Variants in CACNA1E observed in about 807,000 individuals in gnomAD.
CACNA1E encodes calcium voltage-gated channel subunit alpha1 E.
CACNA1E carries 40 observed loss-of-function variants against 259.2 expected under a neutral mutation model. The ratio of observed to expected loss-of-function variants is 0.15; its 90% CI spans 0.12 to 0.20. CACNA1E has a LOEUF of 0.20. CACNA1E is among the 10% of genes least tolerant of loss of function. CACNA1E has a pLI of 1.00. For synonymous variants in CACNA1E, 1,104 were observed against 1,138.5 expected (o/e 0.97, Z 0.61); for missense variants, 1,874 against 3,040.1 (o/e 0.62, Z 9.02).
chr1:181,533,165 T>A (rs898567266), intron 3 of CACNA1E, among the ~76,000 whole-genome samples: 9 of 151,844 alleles, frequency 5.9e-5, no homozygotes, highest in African/African-American at 9.7e-5. Flanking sequence ...ATGAATAAAA[T>A]CCAAGACTCT....
intron 6 of CACNA1E, among the ~76,000 whole-genome samples, chr1:181,633,582 C>A (rs1656942977): frequency 1.3e-5 from 2 of 152,118 alleles, no homozygotes; most frequent in African/African-American, 4.8e-5. Context: ...ACCTCCACCT[C>A]CCAGGTTGAA....
In CACNA1E at chr1:181,794,958, G is replaced by A. The variant is rs748537145; in HGVS notation, c.6122G>A (p.Arg2041Gln). ...TGGTTGGAGGAATTCTCCATGGAGC[G>A]AAGCAGTGAAAATACCTACAAGTCC... is the stretch of plus-strand genomic sequence containing the variant. Reference protein sequence around the residue: ...SSWLEEFSMERSSENTYKSRR... With the variant: ...SSWLEEFSMEQSSENTYKSRR... Residue 2041 changes from arginine to glutamine, a missense_variant, in exon 46 of 48, where the codon CGA (arginine) becomes CAA (glutamine). Arg to Gln is a conservative substitution (Grantham distance 43). This residue lies in a region of CACNA1E where 542 missense variants were observed against 587.2 expected (regional missense o/e 0.92). Coordinates refer to ENST00000367573, the MANE Select transcript of CACNA1E (RefSeq NM_001205293.3). The A allele has an allele frequency of 1.5e-5, 24 of 1,613,794 alleles. No individual in the cohort carries two copies. Among genetic ancestry groups the A allele is most frequent in the Admixed American group, 8.3e-5 (5 of 60,014 alleles).
chr1:181,480,104 G>A (rs1255896454), upstream of CACNA1E, among the ~76,000 whole-genome samples: 1 of 152,070 alleles, frequency 6.6e-6, no homozygotes, highest in Admixed American at 6.6e-5. Flanking sequence ...TAGTGAGACC[G>A]TCGTCTCTAT....
intron 1 of CACNA1E, among the ~76,000 whole-genome samples, chr1:181,506,142 T>G (rs7524850): frequency 6.6e-6 from 1 of 152,112 alleles, no homozygotes; most frequent in African/African-American, 2.4e-5. Flanking sequence ...TGTCCCTGAT[T>G]GTGGTTGCCA....
At chr1:181,619,353 G>A (rs1429220433) in intron 6 of CACNA1E, among the ~76,000 whole-genome samples, 1 of 151,738 alleles carries the variant, frequency 6.6e-6, no homozygotes, top group African/African-American at 2.4e-5. Context: ...AAGTGTGAAG[G>A]CCCTGAGGAA....
intron 2 of CACNA1E, among the ~76,000 whole-genome samples, chr1:181,430,264 G>A (rs1183612594): frequency 6.6e-6 from 1 of 152,188 alleles, no homozygotes; most frequent in Non-Finnish European, 1.5e-5. Flanking sequence ...ATTAAGGAGT[G>A]TGGACAAAGG....
At chr1:181,436,993 C>A (rs1415871556) in intron 2 of CACNA1E, among the ~76,000 whole-genome samples, 1 of 151,894 alleles carries the variant, frequency 6.6e-6, no homozygotes, top group Non-Finnish European at 1.5e-5. Flanking sequence ...ATTATTATGT[C>A]AATTAAAATG....
At chr1:181,365,611 G>A (rs1467814294) in intron 1 of CACNA1E, among the ~76,000 whole-genome samples, 1 of 152,236 alleles carries the variant, frequency 6.6e-6, no homozygotes, top group Non-Finnish European at 1.5e-5. Flanking sequence ...GGGCCGGGGT[G>A]GTCAGTTCAG....
intron 2 of CACNA1E, among the ~76,000 whole-genome samples, chr1:181,425,538 C>A (rs1020897886): frequency 2.4e-5 from 3 of 124,628 alleles, no homozygotes; most frequent in Admixed American, 8.3e-5. Flanking sequence ...CGCTCCCCCC[C>A]CCGACCCCAA....
chr1:181,655,761 G>A (rs1434900717), intron 7 of CACNA1E, among the ~76,000 whole-genome samples: 1 of 152,134 alleles, frequency 6.6e-6, no homozygotes, highest in Non-Finnish European at 1.5e-5. Flanking sequence ...TGAGTAGGGT[G>A]ACAGAGGCCT....
chr1:181,347,053 A>G (rs1306242661), intron 1 of CACNA1E, among the ~76,000 whole-genome samples: 1 of 152,130 alleles, frequency 6.6e-6, no homozygotes, highest in Non-Finnish European at 1.5e-5. Flanking sequence ...TCATGAAAAC[A>G]TCTCATCTCA....
rs368390178 is a variant in CACNA1E at position 181,772,246 on chromosome 1, G to A, written c.5139+15G>A. 1.2e-6 allele frequency: 2 copies of A among 1,609,174 alleles called. No homozygotes were observed. Among genetic ancestry groups the A allele is most frequent in the Non-Finnish European group, 1.7e-6 (2 of 1,176,860 alleles). ...GCTCCTTCTTGGTGAGCAACATTGT[G>A]CTTTTGCCTTGCTATGTGGCCCATC... On this transcript the variant is annotated intron_variant, in intron 37 of 47. Coordinates refer to ENST00000367573, the MANE Select transcript of CACNA1E (RefSeq NM_001205293.3).
chr1:181,686,303 T>TTTTTTTTTTTTTTTTTTTG (rs1650560716), intron 7 of CACNA1E, among the ~76,000 whole-genome samples: 1 of 93,106 alleles, frequency 1.1e-5, no homozygotes, highest in Non-Finnish European at 2.3e-5. Context: ...TTTTTTTTTT[T>TTTTTTTTTTTTTTTTTTTG]GAGATGGAGT....
At chr1:181,787,130 G>GT (rs1031763837) in intron 43 of CACNA1E, among the ~76,000 whole-genome samples, 2 of 151,838 alleles carry the variant, frequency 1.3e-5, no homozygotes, top group African/African-American at 4.8e-5. Flanking sequence ...TTGTTTGTTT[G>GT]TTTTTTTGAG....
At chr1:181,384,961 T>A (rs1272497115) in intron 1 of CACNA1E, among the ~76,000 whole-genome samples, 1 of 152,204 alleles carries the variant, frequency 6.6e-6, no homozygotes, top group Non-Finnish European at 1.5e-5. Context: ...ATTAAGCCCA[T>A]ACCTGCTATC....
At chr1:181,435,421 T>C (rs1660025736) in intron 2 of CACNA1E, among the ~76,000 whole-genome samples, 5 of 152,208 alleles carry the variant, frequency 3.3e-5, no homozygotes. Context: ...CAAGGTACCA[T>C]TTCCTTGTAC....
At chr1:181,731,414 T>A (rs1385403867) in intron 19 of CACNA1E, among the ~76,000 whole-genome samples, 183 bp downstream of exon 19, 2 of 152,160 alleles carry the variant, frequency 1.3e-5, no homozygotes, top group Non-Finnish European at 2.9e-5. Context: ...AACATTTGCT[T>A]ATATCAGCGT....
chr1:181,751,467 A>G (rs1558345002), intron 26 of CACNA1E, among the ~76,000 whole-genome samples: 1 of 152,188 alleles, frequency 6.6e-6, no homozygotes, highest in Non-Finnish European at 1.5e-5. Flanking sequence ...CCAGCCACAC[A>G]GAGGTACTGG....
intron 3 of CACNA1E, among the ~76,000 whole-genome samples, chr1:181,564,791 G>T (rs1366257683): frequency 6.6e-6 from 1 of 152,192 alleles, no homozygotes; most frequent in Non-Finnish European, 1.5e-5. Flanking sequence ...ACTGCAGAGT[G>T]GATGTTGTGT....
Sources: gnomAD v4.1 joint callset for allele counts (sites outside exome capture counted in the v4.1 genomes callset) on GRCh38, gnomAD v4.1.1 for gene constraint, gnomAD v4.1.1 regional missense constraint, MANE v1.5 for transcripts, NCBI Gene and HGNC (gene_info 2026-07-23, HGNC 2026-07-21) for gene names.